Variants in NFATC1 observed in about 807,000 individuals in gnomAD.
NFATC1 encodes the protein nuclear factor of activated T cells 1, also known as nuclear factor of activated T-cells, cytoplasmic 1.
Under a neutral mutation model 76.0 loss-of-function variants are expected in NFATC1, and 22 were observed. That is an observed-to-expected ratio of 0.29 (90% CI 0.21 to 0.41). The LOEUF is 0.41. Among genes scored for constraint, NFATC1 ranks in the 10% least tolerant of loss-of-function variants. The probability of loss-of-function intolerance (pLI) is 1.00; values close to 1 mark genes in which losing one functional copy is unlikely to be tolerated. For missense variants in NFATC1, 1,357 were observed against 1,337.7 expected, an observed-to-expected ratio of 1.01 and a Z score of -0.23; for synonymous variants, 704 against 613.1, an observed-to-expected ratio of 1.15 and a Z score of -2.19.
Position 79,433,688 on chromosome 18 carries a change from G to C in NFATC1, c.1336G>C (p.Gly446Arg). ...CCACCGAGCCCACTACGAGACGGAG[G>C]GCAGCCGGGGGGCCGTGAAGGCGTC... Reference protein sequence around the residue: ...SHHRAHYETEGSRGAVKASAG... With the variant: ...SHHRAHYETERSRGAVKASAG... Residue 446 changes from glycine (G) to arginine (R), a missense_variant, in exon 3 of 10, where the codon GGC becomes CGC. Physicochemically the swap from Gly to Arg is moderately radical, Grantham distance 125. Transcript: ENST00000427363. 6.2e-7 allele frequency: 1 copy of C among 1,611,782 alleles called. No homozygotes were observed. Among genetic ancestry groups the C allele is most frequent in the African/African-American group, 1.3e-5 (1 of 75,052 alleles).
chr18:79,410,268 A>T lies in NFATC1; in HGVS notation c.128-135A>T. ...CGGAGCTGTCCGGCAGCGTGGTCTC[A>T]GGGACGTTTGCTGAGGCCCGCTCCT... is the stretch of plus-strand genomic sequence containing the variant. On this transcript the variant is annotated intron_variant, in intron 1 of 9. Transcript: ENST00000427363. The surrounding 1 kb of genome is among the most constrained non-coding windows in gnomAD (Gnocchi z 6.7). 1 of 1,405,348 alleles carries T rather than the reference A, an allele frequency of 7.1e-7. No individual in the cohort carries two copies. Among genetic ancestry groups the T allele is most frequent in the East Asian group, 2.3e-5 (1 of 43,508 alleles). The allele number at this position is 1,405,348 out of a possible 1,614,324, so 87.1% of individuals were successfully genotyped here.
At chr18:79,419,677 T>C (rs1039684276) in intron 2 of NFATC1, among the ~76,000 whole-genome samples, 4 of 152,212 alleles carry the variant, frequency 2.6e-5, no homozygotes, top group Non-Finnish European at 4.4e-5. Flanking sequence ...CTGCCTGTGG[T>C]CCAGCTGGGA....
At chr18:79,443,989 C>T (rs947375938) in intron 3 of NFATC1, among the ~76,000 whole-genome samples, 1 of 152,196 alleles carries the variant, frequency 6.6e-6, no homozygotes, top group Non-Finnish European at 1.5e-5. Flanking sequence ...CCTGCAAGGC[C>T]GAGATCTGTT....
chr18:79,472,635 C>A (rs967018193), intron 8 of NFATC1, among the ~76,000 whole-genome samples: 1 of 152,170 alleles, frequency 6.6e-6, no homozygotes, highest in Non-Finnish European at 1.5e-5. Context: ...GGCCTCTTCC[C>A]CTCCCCCTCC....
chr18:79,427,084 G>T (rs915721596), intron 2 of NFATC1, among the ~76,000 whole-genome samples: 15 of 152,174 alleles, frequency 9.9e-5, no homozygotes. Context: ...ATTGAGGAGG[G>T]AGCATGTCCC....
At chr18:79,518,500 C>G (rs974019935) in intron 9 of NFATC1, among the ~76,000 whole-genome samples, 1 of 152,144 alleles carries the variant, frequency 6.6e-6, no homozygotes, top group Non-Finnish European at 1.5e-5. Context: ...CCTGGCACCC[C>G]CCCTCTCGCT....
intron 8 of NFATC1, among the ~76,000 whole-genome samples, chr18:79,485,163 TTCCC>T (rs1365862121): frequency 6.6e-6 from 1 of 151,944 alleles, no homozygotes; most frequent in African/African-American, 2.4e-5. Flanking sequence ...GGAGGGGAGT[TTCCC>T]TCCCTGTGGC....
At chr18:79,510,557 G>C (rs2090219353) in intron 9 of NFATC1, among the ~76,000 whole-genome samples, 1 of 152,240 alleles carries the variant, frequency 6.6e-6, no homozygotes, top group Admixed American at 6.5e-5. Context: ...GAGGAACAGG[G>C]ATGGGCCTGT....
intron 9 of NFATC1, among the ~76,000 whole-genome samples, chr18:79,523,532 G>A (rs1193411925): frequency 4.6e-5 from 7 of 152,256 alleles, no homozygotes; most frequent in Admixed American, 2.6e-4. Context: ...GAGAGCTTGC[G>A]TGGCCCCAGC....
Position 79,396,172 on chromosome 18 carries a change from C to T in NFATC1, c.-53C>T. 1.4e-6 allele frequency: 2 copies of T among 1,402,752 alleles called. No individual in the cohort carries two copies. The highest frequency in any genetic ancestry group is 1.9e-6 in the Non-Finnish European group (2 of 1,065,748). The allele number at this position is 1,402,752 out of a possible 1,614,324, so 86.9% of individuals were successfully genotyped here. Reference sequence around the variant, plus strand: ...ACCCGACCCCGGCAGCGCGGGGCGGCCGCTTCTCCTGTGCCTCCGCCCGCC... The same window carrying T: ...ACCCGACCCCGGCAGCGCGGGGCGGTCGCTTCTCCTGTGCCTCCGCCCGCC... On this transcript the variant is annotated 5_prime_UTR_variant, in exon 1 of 10. Coordinates refer to ENST00000427363, the MANE Select transcript of NFATC1 (RefSeq NM_001278669.2).
intron 3 of NFATC1, among the ~76,000 whole-genome samples, chr18:79,448,023 C>T (rs191207858): frequency 6.6e-6 from 1 of 152,296 alleles, no homozygotes; most frequent in East Asian, 1.9e-4. Flanking sequence ...CCACTAGTGT[C>T]CTGGCGGAAG....
chr18:79,438,651 G>A (rs2086865418), intron 3 of NFATC1, among the ~76,000 whole-genome samples: 1 of 152,248 alleles, frequency 6.6e-6, no homozygotes, highest in South Asian at 2.1e-4. Flanking sequence ...TTAGGAGAAG[G>A]GCCAACTGAG....
intron 6 of NFATC1, among the ~76,000 whole-genome samples, chr18:79,459,076 CG>C (rs1375444836): frequency 6.6e-6 from 1 of 152,238 alleles, no homozygotes; most frequent in East Asian, 1.9e-4. Flanking sequence ...CTGGCTCAGC[CG>C]GGGTCTTTGA....
At chr18:79,441,190 G>C (rs573206723) in intron 3 of NFATC1, among the ~76,000 whole-genome samples, 10 of 152,192 alleles carry the variant, frequency 6.6e-5, no homozygotes, top group Non-Finnish European at 1.2e-4. Flanking sequence ...TTCACCCGGA[G>C]ATTGGGGAGT....
rs1424779084 is a variant in NFATC1 at position 79,465,597 on chromosome 18, T to A, written c.1960-1853T>A. On this transcript the variant is annotated intron_variant, in intron 7 of 9. Transcript: ENST00000427363. This position sits in a 1 kb window ranked among gnomAD's most constrained non-coding sequence, Gnocchi z 4.2. ...CGTGGGGTCCCCGCCTCCCCACTCC[T>A]CGCTGCTGCCTGTGAGTGCCTCCCG... 6.6e-6 allele frequency among the ~76,000 whole-genome samples: 1 copy of A among 152,192 alleles called. No homozygotes were observed. Among genetic ancestry groups the A allele is most frequent in the Non-Finnish European group, 1.5e-5 (1 of 68,036 alleles).
intron 7 of NFATC1, among the ~76,000 whole-genome samples, chr18:79,464,696 T>TATATATA (rs56730738): frequency 3.0e-5 from 3 of 100,334 alleles, no homozygotes; most frequent in Non-Finnish European, 6.2e-5. Context: ...ATATATATAT[T>TATATATA]TATTTATTTA....
At chr18:79,407,988 GT>G (rs1158779632) in intron 1 of NFATC1, among the ~76,000 whole-genome samples, 1 of 106,702 alleles carries the variant, frequency 9.4e-6, no homozygotes, top group African/African-American at 3.1e-5. Flanking sequence ...TCGCAGCTCT[GT>G]TTCTTTTCTC....
chr18:79,483,211 G>A lies in NFATC1; in HGVS notation c.2093-3037G>A, dbSNP rs551607285. On this transcript the variant is annotated intron_variant, in intron 8 of 9. Transcript: ENST00000427363. Reference sequence around the variant, plus strand: ...TCCAGCGTGACCTGGTTCCTGGGGTGTAATTCCAGCGTGACCTGGTCCTGG... The same window carrying A: ...TCCAGCGTGACCTGGTTCCTGGGGTATAATTCCAGCGTGACCTGGTCCTGG... Among the ~76,000 whole-genome samples the A allele has an allele frequency of 1.2e-4, 14 of 114,958 alleles. No individual in the cohort carries two copies. In the East Asian group the frequency reaches 2.1e-3, roughly 17 times the overall value. 75.4% of individuals were successfully genotyped at this position (114,958 alleles called of 152,430 possible).
At position 79,486,593 on chromosome 18, in the gene NFATC1, C is replaced by T. The variant is rs762686610; in HGVS notation, c.2438C>T (p.Ser813Leu). 8.9e-5 allele frequency: 142 copies of T among 1,590,000 alleles called. No individual in the cohort carries two copies. Among genetic ancestry groups the T allele is most frequent in the Middle Eastern group, 8.3e-4 (5 of 6,002 alleles). ...VPRPVATHPG[S>L]PGQPPPALLP... Reference sequence around the variant, plus strand: ...AGGCCAGTGGCCACGCACCCCGGCTCGCCCGGGCAGCCACCCCCGGCCCTG... The same window carrying T: ...AGGCCAGTGGCCACGCACCCCGGCTTGCCCGGGCAGCCACCCCCGGCCCTG... The change falls in exon 9 of 10, where the codon TCG becomes TTG. Residue 813 changes from serine to leucine, a missense_variant. Physicochemically the swap from Ser to Leu is moderately radical, Grantham distance 145. Transcript: ENST00000427363.
Sources: gnomAD v4.1 joint callset for allele counts (sites outside exome capture counted in the v4.1 genomes callset) on GRCh38, gnomAD v4.1.1 for gene constraint, Gnocchi (gnomAD v3.1) non-coding constraint, MANE v1.5 for transcripts, NCBI Gene and HGNC (gene_info 2026-07-23, HGNC 2026-07-21) for gene names.